The following CHAT variants were observed in gnomAD, a reference collection of about 807,000 sequenced individuals.
CHAT encodes the protein choline O-acetyltransferase, also known as acetyl CoA:choline O-acetyltransferase.
In CHAT, 61 loss-of-function variants were observed where a neutral mutation model predicts 76.9. The ratio of observed to expected loss-of-function variants is 0.79; its 90% confidence interval spans 0.65 to 0.98. The LOEUF (loss-of-function observed/expected upper bound fraction) is 0.98. Among genes scored for constraint, CHAT ranks in the 50% least tolerant of loss-of-function variants. The pLI is 0.00. For missense variants in CHAT, 946 were observed against 986.9 expected (o/e 0.96, Z 0.56); for synonymous variants, 407 against 397.4 (o/e 1.02, Z -0.29).
At chr10:49,664,346 G>A (rs1726823026) in intron 14 of CHAT, among the ~76,000 whole-genome samples, 1 of 152,200 alleles carries the variant, frequency 6.6e-6, no homozygotes, top group Non-Finnish European at 1.5e-5. Flanking sequence ...GGATCTGGGG[G>A]AAATCGACAC....
intron 2 of CHAT, among the ~76,000 whole-genome samples, chr10:49,618,558 A>G (rs1564471422): frequency 6.6e-6 from 1 of 152,184 alleles, no homozygotes; most frequent in African/African-American, 2.4e-5. Context: ...GTGGACATGG[A>G]AGACTGATTT....
intron 10 of CHAT, 81 bp from the exon 11 acceptor site, chr10:49,651,803 G>A: frequency 1.4e-6 from 2 of 1,448,528 alleles, no homozygotes; most frequent in Non-Finnish European, 1.9e-6. Context: ...CACAGACCAG[G>A]CTCTAGAAGC....
At chr10:49,641,325 G>A (rs1564484687) in intron 7 of CHAT, among the ~76,000 whole-genome samples, 1 of 152,200 alleles carries the variant, frequency 6.6e-6, no homozygotes, top group Admixed American at 6.5e-5. Flanking sequence ...GGGTCCTGAG[G>A]TCCCTGGCTG....
intron 7 of CHAT, among the ~76,000 whole-genome samples, chr10:49,639,540 T>C (rs997136401): frequency 1.6e-4 from 24 of 147,728 alleles, no homozygotes; most frequent in African/African-American, 5.8e-4. Flanking sequence ...AGTATATATA[T>C]ACACACACAC....
chr10:49,642,342 G>C (rs1325129756), intron 7 of CHAT, among the ~76,000 whole-genome samples: 1 of 152,192 alleles, frequency 6.6e-6, no homozygotes, highest in African/African-American at 2.4e-5. Flanking sequence ...CTTATATGCA[G>C]GGAGTTCATT....
At chr10:49,628,992 G>A (rs909406195) in intron 7 of CHAT, among the ~76,000 whole-genome samples, 3 of 152,270 alleles carry the variant, frequency 2.0e-5, no homozygotes, top group South Asian at 2.1e-4. Flanking sequence ...CTTGCCGCAC[G>A]CAGAGCTCAG....
intron 13 of CHAT, among the ~76,000 whole-genome samples, chr10:49,660,336 G>A (rs1840153972): frequency 6.6e-6 from 1 of 152,012 alleles, no homozygotes; most frequent in African/African-American, 2.4e-5. Flanking sequence ...CAGCTACTCA[G>A]AAAGCTGAGG....
Position 49,655,361 on chromosome 10 carries a change from C to T in CHAT, c.1777-25C>T, listed in dbSNP as rs778319298. On this transcript the variant is annotated intron_variant, in intron 12 of 14. Transcript: ENST00000337653. ...GCTCCAAGCAGCCTTTTAAACCCCGCGCTGCCTCTGTGTTCTGTTGACAGG... is the reference window on the plus strand; with the variant it reads ...GCTCCAAGCAGCCTTTTAAACCCCGTGCTGCCTCTGTGTTCTGTTGACAGG... 2.7e-5 allele frequency: 44 copies of T among 1,613,844 alleles called. No individual in the cohort carries two copies. The Admixed American group carries it at 2.8e-4, about 10-fold the overall frequency.
intron 5 of CHAT, among the ~76,000 whole-genome samples, chr10:49,624,809 G>A (rs1243368420): frequency 1.3e-5 from 2 of 152,206 alleles, no homozygotes; most frequent in African/African-American, 4.8e-5. Context: ...ATGGGTCGAT[G>A]GAAGGATGGA....
At position 49,625,665 on chromosome 10, in the gene CHAT, C is replaced by T. The variant is rs770168877; in HGVS notation, c.933+12C>T. 1.6e-5 allele frequency: 25 copies of T among 1,558,902 alleles called. No individual in the cohort carries two copies. The highest frequency in any genetic ancestry group is 2.0e-5 in the Non-Finnish European group (23 of 1,150,604). On this transcript the variant is annotated intron_variant, in intron 6 of 14. Transcript: ENST00000337653. Reference sequence around the variant, plus strand: ...CCTGCTGCAATCAGGTAAGCAACCCCTTGTCTTGGTGAGGGAGGGCACAGA... The same window carrying T: ...CCTGCTGCAATCAGGTAAGCAACCCTTTGTCTTGGTGAGGGAGGGCACAGA...
At chr10:49,628,166 C>G (rs1346623564) in intron 7 of CHAT, among the ~76,000 whole-genome samples, 1 of 151,948 alleles carries the variant, frequency 6.6e-6, no homozygotes, top group African/African-American at 2.4e-5. Context: ...ATGGAGCCTG[C>G]CTCTGGGAAA....
chr10:49,620,047 T>G, intron 3 of CHAT, 131 bp downstream of exon 3: 1 of 902,532 alleles, frequency 1.1e-6, no homozygotes, highest in Non-Finnish European at 1.7e-6. Context: ...GGATGGGGGA[T>G]AGGTGTGGGA....
At chr10:49,621,409 A>G (rs1407433898) in intron 4 of CHAT, among the ~76,000 whole-genome samples, 1 of 152,196 alleles carries the variant, frequency 6.6e-6, no homozygotes, top group Non-Finnish European at 1.5e-5. Context: ...GACTTCTGAA[A>G]ACAGTTCTCA....
chr10:49,665,792 C>A lies in CHAT; in HGVS notation c.*746C>A, dbSNP rs1397306084. On this transcript the variant is annotated 3_prime_UTR_variant, in exon 15 of 15. Transcript: ENST00000337653. ...CTGCCACTCTCTGCTTAGCAGGCGG[C>A]ATCAGGGCCAGTCCAAGATGAGTAA... 2.0e-5 allele frequency among the ~76,000 whole-genome samples: 3 copies of A among 152,156 alleles called. No homozygotes were observed. The highest frequency in any genetic ancestry group is 4.4e-5 in the Non-Finnish European group (3 of 68,030).
Position 49,619,749 on chromosome 10 carries a change from C to T in CHAT, c.412C>T (p.Pro138Ser), listed in dbSNP as rs1468069871. 1.9e-6 allele frequency: 3 copies of T among 1,613,176 alleles called. No homozygotes were observed. Residue 138 changes from proline (P) to serine (S), a missense_variant, in exon 3 of 15, where the codon CCG (proline) becomes TCG (serine). By Grantham distance (74) the Pro-to-Ser change is moderately conservative. This residue lies in a region of CHAT where 548 missense variants were observed against 516.2 expected (regional missense o/e 1.06). Coordinates refer to ENST00000337653, the MANE Select transcript of CHAT (RefSeq NM_020549.5). ...ESGLPKLPVP[P>S]LQQTLATYLQ... ...GGGGCTGCCCAAACTGCCCGTGCCC[C>T]CGCTGCAGCAGACCCTGGCCACGTA...
rs529162367 is a variant in CHAT at position 49,638,514 on chromosome 10, T to C, written c.1112-7991T>C. On this transcript the variant is annotated intron_variant, in intron 7 of 14. Coordinates refer to ENST00000337653, the MANE Select transcript of CHAT (RefSeq NM_020549.5). ...TGTTTTTCAATTATTGTTCTCTTTC[T>C]CTTGCCTTCGTGTGGGTTACCCGAA... Among the ~76,000 whole-genome samples, 18 of 152,380 alleles carry C rather than the reference T, an allele frequency of 1.2e-4. No homozygotes were observed. In the South Asian group the frequency reaches 3.5e-3, roughly 30 times the overall value.
intron 11 of CHAT, among the ~76,000 whole-genome samples, chr10:49,654,836 G>A (rs1040222657): frequency 4.6e-5 from 7 of 151,940 alleles, no homozygotes; most frequent in Non-Finnish European, 7.4e-5. Context: ...TTTTTTTGAA[G>A]CGCTACCCGT....
At chr10:49,646,381 C>A in intron 7 of CHAT, 124 bp from the exon 8 acceptor site, 2 of 1,270,278 alleles carry the variant, frequency 1.6e-6, no homozygotes, top group Non-Finnish European at 2.3e-6. Context: ...TCAGGGCTGG[C>A]TCAAGACCTG....
chr10:49,612,685 C>A (rs562378039), upstream of CHAT: 8 of 290,886 alleles, frequency 2.8e-5, no homozygotes, highest in Admixed American at 3.6e-4. Flanking sequence ...ACCGCGGCGC[C>A]TCCGCCCAAA....
Sources: gnomAD v4.1 joint callset for allele counts (sites outside exome capture counted in the v4.1 genomes callset) on GRCh38, gnomAD v4.1.1 for gene constraint, gnomAD v4.1.1 regional missense constraint, MANE v1.5 for transcripts, NCBI Gene and HGNC (gene_info 2026-07-23, HGNC 2026-07-21) for gene names.